The following CREB5 variants were observed in gnomAD, a reference collection of about 807,000 sequenced individuals.
The protein encoded by CREB5 is cyclic AMP-responsive element-binding protein 5.
A neutral mutation model predicts 57.1 loss-of-function variants in CREB5; 19 were observed. The ratio of observed to expected loss-of-function variants is 0.33; its 90% CI spans 0.23 to 0.49. The LOEUF is 0.49. Ranked by LOEUF, CREB5 falls within the 20% of genes least tolerant of loss-of-function variation. CREB5 has a pLI of 0.99. For synonymous variants in CREB5, 238 were observed against 238.3 expected (o/e 1.00, Z 0.01); for missense variants, 579 against 671.6 (o/e 0.86, Z 1.52).
At chr7:28,577,554 A>T (rs1224160185) in intron 5 of CREB5, among the ~76,000 whole-genome samples, 3 of 152,168 alleles carry the variant, frequency 2.0e-5, no homozygotes, top group African/African-American at 7.2e-5. Context: ...TAATACACCC[A>T]TTTTGCAGTT....
chr7:28,581,706 T>G (rs1796131264), intron 5 of CREB5, among the ~76,000 whole-genome samples: 1 of 152,122 alleles, frequency 6.6e-6, no homozygotes, highest in East Asian at 1.9e-4. Context: ...TACAGTACAG[T>G]GAAAGTTAGC....
At chr7:28,674,346 A>T (rs1458491548) in intron 5 of CREB5, among the ~76,000 whole-genome samples, 1 of 152,202 alleles carries the variant, frequency 6.6e-6, no homozygotes, top group Non-Finnish European at 1.5e-5. Flanking sequence ...TTGATGTCTA[A>T]CAAATGTGTA....
intron 1 of CREB5, among the ~76,000 whole-genome samples, chr7:28,315,594 A>G (rs1785362272): frequency 6.6e-6 from 1 of 152,148 alleles, no homozygotes; most frequent in African/African-American, 2.4e-5. Flanking sequence ...GTGTGTTTTC[A>G]TTTTGTTTTT....
intron 5 of CREB5, among the ~76,000 whole-genome samples, chr7:28,672,158 A>T (rs544301216): frequency 7.0e-6 from 1 of 143,588 alleles, no homozygotes; most frequent in African/African-American, 2.7e-5. Flanking sequence ...CCAGACAAGG[A>T]GATCAGTTGT....
At chr7:28,495,345 C>A (rs1791988321) in intron 3 of CREB5, among the ~76,000 whole-genome samples, 1 of 151,946 alleles carries the variant, frequency 6.6e-6, no homozygotes, top group African/African-American at 2.4e-5. Context: ...CGAGTGATAC[C>A]AACCTGGTCA....
intron 5 of CREB5, among the ~76,000 whole-genome samples, chr7:28,684,069 A>G (rs1275115844): frequency 6.6e-6 from 1 of 152,250 alleles, no homozygotes; most frequent in African/African-American, 2.4e-5. Flanking sequence ...TCAATGGCTC[A>G]TTTAAAAAGG....
At chr7:28,736,225 A>T (rs4722838) in intron 7 of CREB5, among the ~76,000 whole-genome samples, 2 of 151,886 alleles carry the variant, frequency 1.3e-5, no homozygotes, top group Non-Finnish European at 2.9e-5. Flanking sequence ...GCTGGAGTAC[A>T]GTGGTGTGAT....
chr7:28,461,937 C>T (rs56277104), intron 1 of CREB5, among the ~76,000 whole-genome samples: 1,802 of 152,106 alleles, frequency 0.012, 31 homozygotes, highest in African/African-American at 0.041. Flanking sequence ...ACAATATGCT[C>T]TTTTAAAGTA....
chr7:28,517,350 TGTTAA>T (rs1304877810), intron 4 of CREB5, among the ~76,000 whole-genome samples: 10 of 152,192 alleles, frequency 6.6e-5, no homozygotes, highest in East Asian at 1.9e-4. Flanking sequence ...ATTTGTGTGT[TGTTAA>T]GTTATTTCCA....
chr7:28,397,272 T>C (rs1304582982), intron 1 of CREB5, among the ~76,000 whole-genome samples: 1 of 152,202 alleles, frequency 6.6e-6, no homozygotes, highest in Non-Finnish European at 1.5e-5. Context: ...GTGGTATTCC[T>C]CTACAGAAGG....
intron 4 of CREB5, among the ~76,000 whole-genome samples, chr7:28,560,875 C>CGTGTGTGTGTGT (rs1238154632): frequency 5.2e-5 from 1 of 19,220 alleles, no homozygotes; most frequent in East Asian, 3.8e-3. Flanking sequence ...CCTGCGTGCG[C>CGTGTGTGTGTGT]GTGCGTGCGT....
At chr7:28,626,058 A>G (rs1562534699) in intron 5 of CREB5, among the ~76,000 whole-genome samples, 1 of 152,160 alleles carries the variant, frequency 6.6e-6, no homozygotes, top group African/African-American at 2.4e-5. Flanking sequence ...ATTGGAGTAC[A>G]TTCATTTATG....
intron 1 of CREB5, among the ~76,000 whole-genome samples, chr7:28,307,693 T>C (rs1191260772): frequency 6.6e-6 from 1 of 152,214 alleles, no homozygotes; most frequent in Admixed American, 6.5e-5. Flanking sequence ...TCTAGATTTA[T>C]TAAATTCTTG....
chr7:28,577,259 TTC>T (rs1216123384), intron 5 of CREB5, among the ~76,000 whole-genome samples: 2 of 152,230 alleles, frequency 1.3e-5, no homozygotes, highest in African/African-American at 2.4e-5. Context: ...CTCAAATTTA[TTC>T]TCTCTTTTGG....
chr7:28,323,054 C>G lies in CREB5; in HGVS notation c.-25+23613C>G, dbSNP rs554659242. 6.8e-4 allele frequency among the ~76,000 whole-genome samples: 103 copies of G among 152,302 alleles called. 2 individuals are homozygous for G. The highest frequency in any genetic ancestry group is 2.5e-3 in the African/African-American group (103 of 41,554). The stretch of plus-strand genomic sequence containing the variant: ...ACCACCAACAAATCATTGACCAGCA[C>G]TTTAATACCTCCCTTAGTGCCCTCA... On this transcript the variant is annotated intron_variant, in intron 1 of 9. Coordinates refer to the CREB5 transcript ENST00000396299.
At chr7:28,718,603 AT>A in intron 5 of CREB5, 149 bp from the exon 6 acceptor site, 1 of 1,065,040 alleles carries the variant, frequency 9.4e-7, no homozygotes, top group Non-Finnish European at 1.3e-6. Flanking sequence ...ATTTGTTATT[AT>A]TTCCCTAATA....
intron 7 of CREB5, among the ~76,000 whole-genome samples, chr7:28,761,579 C>A (rs939705562): frequency 1.3e-5 from 2 of 152,194 alleles, no homozygotes; most frequent in Non-Finnish European, 2.9e-5. Flanking sequence ...TTAAAGATTT[C>A]TCTTTCACGG....
At chr7:28,713,020 G>A (rs944690878) in intron 5 of CREB5, among the ~76,000 whole-genome samples, 30 of 152,082 alleles carry the variant, frequency 2.0e-4, no homozygotes, top group Non-Finnish European at 2.1e-4. Context: ...ATTTAAGAAG[G>A]TCCAAAAGAA....
chr7:28,409,772 C>T (rs1262031154), upstream of CREB5: 6 of 422,802 alleles, frequency 1.4e-5, no homozygotes, highest in South Asian at 1.0e-4. This position sits in a 1 kb window ranked among gnomAD's most constrained non-coding sequence, Gnocchi z 4.4. Context: ...CCGCGCCGCG[C>T]GCCTGGAGGG....
Sources: gnomAD v4.1 joint callset for allele counts (sites outside exome capture counted in the v4.1 genomes callset) on GRCh38, gnomAD v4.1.1 for gene constraint, Gnocchi (gnomAD v3.1) non-coding constraint, MANE v1.5 for transcripts, NCBI Gene and HGNC (gene_info 2026-07-23, HGNC 2026-07-21) for gene names.